Variants in COPB1 observed in about 807,000 individuals in gnomAD.
COPB1 encodes the protein coatomer subunit beta.
Under a neutral mutation model 108.7 loss-of-function variants are expected in COPB1, and 21 were observed. The observed-to-expected ratio is 0.19, with a 90% CI of 0.14 to 0.28. The LOEUF (loss-of-function observed/expected upper bound fraction) is 0.28, where lower values mean the gene tolerates loss of function less well. COPB1 is among the 10% of genes least tolerant of loss of function. The pLI is 1.00. For synonymous variants in COPB1, 378 were observed against 386.8 expected, an observed-to-expected ratio of 0.98 and a Z score of 0.27; for missense variants, 919 against 1,141.3, an observed-to-expected ratio of 0.81 and a Z score of 2.81.
chr11:14,468,368 G>A (rs1309559917), intron 16 of COPB1, among the ~76,000 whole-genome samples: 1 of 152,206 alleles, frequency 6.6e-6, no homozygotes, highest in African/African-American at 2.4e-5. Context: ...TGTGGGAAGA[G>A]GCCAGGGCTG....
intron 11 of COPB1, among the ~76,000 whole-genome samples, chr11:14,477,614 G>A (rs911591354): frequency 6.6e-6 from 1 of 150,982 alleles, no homozygotes; most frequent in Non-Finnish European, 1.5e-5. Flanking sequence ...GCTCCTTGAG[G>A]CCGGGCACAG....
chr11:14,474,344 G>A, intron 14 of COPB1, 151 bp downstream of exon 14: 2 of 565,108 alleles, frequency 3.5e-6, no homozygotes, highest in African/African-American at 1.9e-5. Flanking sequence ...CAATTTTAGA[G>A]TAATATATTA....
Position 14,494,444 on chromosome 11 carries a change from A to G in COPB1, c.92-5T>C. ...TTGACTTTACATCTCCTTTTTCTGA[A>G]TCAAAAATTTTTTTAAAAAAAAGCA... On this transcript the variant is annotated splice_region_variant and splice_polypyrimidine_tract_variant and intron_variant, in intron 2 of 21. Transcript: ENST00000439561. 2.0e-6 allele frequency: 3 copies of G among 1,474,810 alleles called. No homozygotes were observed. Among genetic ancestry groups the G allele is most frequent in the Non-Finnish European group, 2.8e-6 (3 of 1,085,844 alleles). The allele number at this position is 1,474,810 out of a possible 1,614,324, so 91.4% of individuals were successfully genotyped here. A position where few individuals can be genotyped will look rare whatever the true frequency, so the allele number is the denominator to read the frequency against.
chr11:14,491,874 A>G (rs979202613), intron 4 of COPB1, among the ~76,000 whole-genome samples: 6 of 152,232 alleles, frequency 3.9e-5, no homozygotes, highest in African/African-American at 9.6e-5. Context: ...GAGGAAAAAC[A>G]TAGTCCCTTG....
chr11:14,491,760 T>C (rs1176148903), intron 4 of COPB1, among the ~76,000 whole-genome samples: 1 of 152,038 alleles, frequency 6.6e-6, no homozygotes, highest in African/African-American at 2.4e-5. Context: ...TCTAGTTCAA[T>C]ACAGAAAAAG....
At chr11:14,458,831 G>A (rs926688557) in intron 20 of COPB1, 144 bp from the exon 21 acceptor site, 158 of 661,746 alleles carry the variant, frequency 2.4e-4, no homozygotes, top group Non-Finnish European at 3.2e-4. Flanking sequence ...GTGCAGTGGC[G>A]TGATCTCGGC....
At chr11:14,466,232 T>C in intron 17 of COPB1, 50 bp downstream of exon 17, 2 of 1,570,986 alleles carry the variant, frequency 1.3e-6, no homozygotes, top group African/African-American at 2.7e-5. Context: ...TAATCTGTCA[T>C]AAAGATCTAC....
chr11:14,468,070 TA>T (rs1850322088), intron 16 of COPB1, among the ~76,000 whole-genome samples: 1 of 152,104 alleles, frequency 6.6e-6, no homozygotes, highest in South Asian at 2.1e-4. Context: ...TCAAAAAAAC[TA>T]AAAAAATTTT....
chr11:14,493,156 C>T (rs966855180), intron 4 of COPB1, among the ~76,000 whole-genome samples: 1 of 152,070 alleles, frequency 6.6e-6, no homozygotes, highest in Non-Finnish European at 1.5e-5. Context: ...CAAAACAAAA[C>T]AAAAACAAAT....
At chr11:14,469,261 T>C (rs777806119) in intron 15 of COPB1, 75 bp downstream of exon 15, 21 of 1,231,322 alleles carry the variant, frequency 1.7e-5, no homozygotes, top group Non-Finnish European at 2.3e-5. Flanking sequence ...CCTCCCAAAG[T>C]GCTGGGATTA....
At chr11:14,497,959 CAT>C (rs1339221109) in intron 2 of COPB1, among the ~76,000 whole-genome samples, 2 of 152,162 alleles carry the variant, frequency 1.3e-5, no homozygotes, top group Admixed American at 1.3e-4. Context: ...ACAAACTTCA[CAT>C]GTTCTCACTT....
chr11:14,469,467 G>T lies in COPB1; in HGVS notation c.1834C>A (p.Arg612=), dbSNP rs1850357594. The change falls in exon 15 of 22, where the codon CGA becomes AGA. Residue 612 remains arginine, a synonymous_variant. Transcript: ENST00000439561. The part of the protein sequence containing the change: ...KKPITDDDVD[R]ISLCLKVLSE... ...AAGACCTTGAGGCACAGGGAAATTC[G>T]ATCCACATCATCATCAGTAATTGGC... 1 of 1,614,020 alleles carries T rather than the reference G, an allele frequency of 6.2e-7. No individual in the cohort carries two copies. Among genetic ancestry groups the T allele is most frequent in the African/African-American group, 1.3e-5 (1 of 74,914 alleles).
At chr11:14,470,944 A>ACACACACACTCT (rs1285522756) in intron 14 of COPB1, among the ~76,000 whole-genome samples, 58 of 90,204 alleles carry the variant, frequency 6.4e-4, no homozygotes, top group African/African-American at 2.5e-3. Context: ...ACACACACAC[A>ACACACACACTCT]CTCTCTCTCT....
chr11:14,461,136 G>T, intron 19 of COPB1, 50 bp downstream of exon 19: 1 of 1,610,242 alleles, frequency 6.2e-7, no homozygotes. Flanking sequence ...TCAACAGCAG[G>T]CAAAAGGAAG....
Position 14,466,931 on chromosome 11 carries a change from C to CA in COPB1, c.2146-506dup, listed in dbSNP as rs577911867. Among the ~76,000 whole-genome samples, 121 of 152,006 alleles carry CA rather than the reference C, an allele frequency of 8.0e-4. No homozygotes were observed. In the East Asian group the frequency reaches 0.022, roughly 27 times the overall value. On this transcript the variant is annotated intron_variant, in intron 16 of 21. Coordinates refer to ENST00000439561, the MANE Select transcript of COPB1 (RefSeq NM_001144061.2). The stretch of plus-strand genomic sequence containing the variant: ...ATAGTAAGAAATGATTGTAATGCCA[C>CA]AAAAATAAAATTACAAATGCCCTCC...
intron 18 of COPB1, among the ~76,000 whole-genome samples, chr11:14,463,465 TGC>T: frequency 6.6e-6 from 1 of 152,272 alleles, no homozygotes; most frequent in Non-Finnish European, 1.5e-5. Flanking sequence ...ACTACAGGCG[TGC>T]GCCATTACGC....
At chr11:14,492,704 C>G (rs1415671378) in intron 4 of COPB1, among the ~76,000 whole-genome samples, 2 of 152,066 alleles carry the variant, frequency 1.3e-5, no homozygotes, top group Non-Finnish European at 2.9e-5. Flanking sequence ...AGTAAGATAA[C>G]TATGAAATTA....
At chr11:14,495,473 C>G (rs2597187) in intron 2 of COPB1, among the ~76,000 whole-genome samples, 100,991 of 152,066 alleles carry the variant, frequency 0.66, 33,751 homozygotes, top group African/African-American at 0.7. Flanking sequence ...GAGTTCTGAG[C>G]GTCAGATGCG....
At chr11:14,494,748 C>A in intron 2 of COPB1, 1 of 230,278 alleles carries the variant, frequency 4.3e-6, no homozygotes, top group Non-Finnish European at 8.4e-6. Flanking sequence ...ACCAAGTAAA[C>A]GTGTTTCAAA....
Sources: allele counts gnomAD v4.1 joint callset (sites outside exome capture counted in the v4.1 genomes callset), GRCh38; gene constraint gnomAD v4.1.1; transcripts MANE v1.5; gene names NCBI Gene and HGNC (gene_info 2026-07-23, HGNC 2026-07-21).